RLN2: variants seen among roughly 807,000 people sequenced by gnomAD.
RLN2 encodes prorelaxin H2.
Under a neutral mutation model 7.3 loss-of-function variants are expected in RLN2, and 10 were observed. That is an observed-to-expected ratio of 1.36 (90% CI 0.84 to 2.31). RLN2 has a LOEUF of 2.31. RLN2 is among the 30% of genes most tolerant of loss of function. The pLI is 0.00. For synonymous variants in RLN2, 103 were observed against 82.3 expected (o/e 1.25, Z -1.36); for missense variants, 298 against 217.6 (o/e 1.37, Z -2.32).
chr9:5,321,081 T>C, the RLN2 span, among the ~76,000 whole-genome samples: 2 of 152,176 alleles, frequency 1.3e-5, no homozygotes, highest in Admixed American at 1.3e-4. Context: ...ACTATTCTTC[T>C]ACTAAAGCAG....
chr9:5,306,997 C>T (rs1331613569), upstream of RLN2, among the ~76,000 whole-genome samples: 3 of 152,014 alleles, frequency 2.0e-5, no homozygotes, highest in Non-Finnish European at 4.4e-5. Context: ...TTTCTCCTTT[C>T]TTTCCTTCCT....
the RLN2 span, among the ~76,000 whole-genome samples, chr9:5,331,272 C>G: frequency 4.8e-3 from 736 of 151,984 alleles, 10 homozygotes; most frequent in South Asian, 0.024. Context: ...TCCTGAAAGC[C>G]TGGTAGAGAC....
Position 5,300,464 on chromosome 9 carries a change from A to T in RLN2, c.212-20T>A. On this transcript the variant is annotated intron_variant, in intron 1 of 1. Coordinates refer to ENST00000381627, the MANE Select transcript of RLN2 (RefSeq NM_134441.3). The stretch of plus-strand genomic sequence containing the variant: ...CAATTTCTGTTAAATTTAAAAAAAA[A>T]GGTGTATGTGAGGGTATATTCATGT... 6 of 1,538,966 alleles carry T rather than the reference A, an allele frequency of 3.9e-6. No individual in the cohort carries two copies. Among genetic ancestry groups the T allele is most frequent in the Non-Finnish European group, 5.3e-6 (6 of 1,125,938 alleles).
chr9:5,326,080 C>A, the RLN2 span, among the ~76,000 whole-genome samples: 2 of 152,042 alleles, frequency 1.3e-5, no homozygotes, highest in Non-Finnish European at 2.9e-5. Flanking sequence ...AGTTTAGGAG[C>A]ATCACATTCA....
upstream of RLN2, among the ~76,000 whole-genome samples, chr9:5,309,337 A>G (rs1816306736): frequency 6.6e-6 from 1 of 151,956 alleles, no homozygotes; most frequent in Non-Finnish European, 1.5e-5. Context: ...ATCCTTTTGT[A>G]ACCCCTTCAG....
At chr9:5,337,441 G>A in the RLN2 span, among the ~76,000 whole-genome samples, 63,484 of 151,768 alleles carry the variant, frequency 0.42, 13,672 homozygotes, top group Non-Finnish European at 0.44. Flanking sequence ...CTGAATTCAT[G>A]CAAATACCCT....
At position 5,300,123 on chromosome 9, in the gene RLN2, T is replaced by C. The variant is rs1827125395; in HGVS notation, c.533A>G (p.Lys178Arg). 6.3e-7 allele frequency: 1 copy of C among 1,598,916 alleles called. No homozygotes were observed. The highest frequency in any genetic ancestry group is 2.2e-5 in the East Asian group (1 of 44,788). The change falls in exon 2 of 2, where the codon AAA becomes AGA. Residue 178 changes from lysine (K) to arginine (R), a missense_variant. By Grantham distance (26) the Lys-to-Arg change is conservative. Transcript: ENST00000381627. ...ANKCCHVGCTKRSLARFC is the reference protein window; with the variant it reads ...ANKCCHVGCTRRSLARFC Reference sequence around the variant, plus strand: ...TCAGCAAAATCTAGCAAGAGATCTTTTGGTACAACCAACATGGCAACATTT... The same window carrying C: ...TCAGCAAAATCTAGCAAGAGATCTTCTGGTACAACCAACATGGCAACATTT...
the RLN2 span, among the ~76,000 whole-genome samples, chr9:5,335,902 C>G: frequency 2.8e-4 from 43 of 152,088 alleles, 1 homozygote; most frequent in African/African-American, 1.0e-3. Flanking sequence ...TGTCATCTTT[C>G]TGAAGTCATG....
chr9:5,312,223 G>A, the RLN2 span, among the ~76,000 whole-genome samples: 1 of 151,920 alleles, frequency 6.6e-6, no homozygotes, highest in Admixed American at 6.6e-5. Context: ...CTTGTGGTAT[G>A]GAAAAACAAA....
the RLN2 span, among the ~76,000 whole-genome samples, chr9:5,326,165 T>G: frequency 1.3e-5 from 2 of 152,274 alleles, no homozygotes; most frequent in South Asian, 4.1e-4. Flanking sequence ...GTGTTCCTTA[T>G]AAATGCAGGT....
chr9:5,335,381 C>A, the RLN2 span: 1 of 1,613,568 alleles, frequency 6.2e-7, no homozygotes, highest in Non-Finnish European at 8.5e-7. Context: ...TGAAGGATTG[C>A]TGTCTGCGGC....
the RLN2 span, among the ~76,000 whole-genome samples, chr9:5,333,064 T>C: frequency 6.6e-6 from 1 of 152,020 alleles, no homozygotes; most frequent in African/African-American, 2.4e-5. Flanking sequence ...CATTCTATGT[T>C]CTCTATTGAG....
intron 1 of RLN2, among the ~76,000 whole-genome samples, chr9:5,301,669 A>G (rs1052413936): frequency 6.6e-6 from 1 of 152,206 alleles, no homozygotes; most frequent in East Asian, 1.9e-4. Flanking sequence ...CGGGAGGCAG[A>G]CACCTGGTTA....
At chr9:5,333,849 G>A in the RLN2 span, among the ~76,000 whole-genome samples, 1 of 152,044 alleles carries the variant, frequency 6.6e-6, no homozygotes, top group Non-Finnish European at 1.5e-5. Flanking sequence ...TCCCCAGGAT[G>A]CAAGGTTGGT....
upstream of RLN2, chr9:5,304,983 C>G (rs564466229): frequency 2.7e-5 from 5 of 186,288 alleles, no homozygotes; most frequent in East Asian, 7.1e-4. Context: ...CACCCATATT[C>G]TTACAACTCA....
upstream of RLN2, among the ~76,000 whole-genome samples, chr9:5,305,600 A>T (rs922872424): frequency 2.0e-5 from 3 of 152,032 alleles, no homozygotes; most frequent in Admixed American, 6.6e-5. Context: ...TGTTCTAGGT[A>T]ATATGGTTAG....
chr9:5,300,451 A>T lies in RLN2; in HGVS notation c.212-7T>A, dbSNP rs1483040030. The T allele has an allele frequency of 6.3e-7, 1 of 1,582,838 alleles. No individual in the cohort carries two copies. The highest frequency in any genetic ancestry group is 8.6e-7 in the Non-Finnish European group (1 of 1,162,804). On this transcript the variant is annotated splice_polypyrimidine_tract_variant and splice_region_variant and intron_variant, in intron 1 of 1. Transcript: ENST00000381627. ...ATGAAGGATGGCACAATTTCTGTTA[A>T]ATTTAAAAAAAAAGGTGTATGTGAG...
upstream of RLN2, among the ~76,000 whole-genome samples, chr9:5,308,922 T>C (rs1816299939): frequency 6.6e-6 from 1 of 152,104 alleles, no homozygotes; most frequent in Non-Finnish European, 1.5e-5. Context: ...CTGCAAAGCC[T>C]GCCTCACACG....
At chr9:5,334,059 T>A in the RLN2 span, among the ~76,000 whole-genome samples, 2 of 151,910 alleles carry the variant, frequency 1.3e-5, no homozygotes, top group African/African-American at 4.8e-5. Context: ...CCACAGCCAA[T>A]AGCATACTGA....
Sources: allele counts gnomAD v4.1 joint callset (sites outside exome capture counted in the v4.1 genomes callset), GRCh38; gene constraint gnomAD v4.1.1; transcripts MANE v1.5; gene names NCBI Gene and HGNC (gene_info 2026-07-23, HGNC 2026-07-21).